The following RNF212 variants were observed in gnomAD, a reference collection of about 807,000 sequenced individuals.
The protein encoded by RNF212 is probable E3 SUMO-protein ligase RNF212.
A neutral mutation model predicts 34.7 loss-of-function variants in RNF212; 33 were observed. That is an observed-to-expected ratio of 0.95 (90% CI 0.72 to 1.27). The LOEUF is 1.27. RNF212 is among the 50% of genes most tolerant of loss of function. The probability of loss-of-function intolerance (pLI) is 0.00; values close to 1 mark genes in which losing one functional copy is unlikely to be tolerated. For synonymous variants in RNF212, 140 were observed against 136.1 expected, an observed-to-expected ratio of 1.03 and a Z score of -0.20; for missense variants, 377 against 362.2, an observed-to-expected ratio of 1.04 and a Z score of -0.33.
At chr4:1,078,479 G>A (rs747260983) in intron 8 of RNF212, among the ~76,000 whole-genome samples, 9 of 152,320 alleles carry the variant, frequency 5.9e-5, no homozygotes, top group Non-Finnish European at 1.0e-4. Context: ...CCTGAGTTCC[G>A]GGCAGGTTTC....
intron 1 of RNF212, among the ~76,000 whole-genome samples, chr4:1,109,415 G>A (rs1725314846): frequency 6.6e-6 from 1 of 152,184 alleles, no homozygotes; most frequent in Non-Finnish European, 1.5e-5. Flanking sequence ...GGCTGACCAG[G>A]CACTATGAGC....
intron 5 of RNF212, among the ~76,000 whole-genome samples, chr4:1,082,287 T>G (rs796809058): frequency 6.6e-6 from 1 of 152,220 alleles, no homozygotes; most frequent in African/African-American, 2.4e-5. Context: ...TGCTGTGCCC[T>G]GTGACTCCCG....
At chr4:1,056,586 A>T (rs1362304008) in intron 4 of RNF212, 3 of 676,476 alleles carry the variant, frequency 4.4e-6, no homozygotes, top group South Asian at 6.6e-5. Context: ...TGTGTATTTT[A>T]AAAAATTCAG....
chr4:1,100,216 G>T, intron 2 of RNF212: 1 of 296,838 alleles, frequency 3.4e-6, no homozygotes, highest in Non-Finnish European at 6.6e-6. Flanking sequence ...TACTTCTAGC[G>T]TTAGGTCTTG....
At position 1,096,782 on chromosome 4, in the gene RNF212, A is replaced by C. The variant is rs763470021; in HGVS notation, c.229T>G (p.Ser77Ala). 8.1e-6 allele frequency: 13 copies of C among 1,613,662 alleles called. No individual in the cohort carries two copies. In the South Asian group the frequency reaches 1.1e-4, roughly 14 times the overall value. ...CAGCTCACCTGGGAGGTTTCCCTGGAGTACTTCTTACACAGACTGTCTATG... is the reference window on the plus strand; with the variant it reads ...CAGCTCACCTGGGAGGTTTCCCTGGCGTACTTCTTACACAGACTGTCTATG... ...MSIDSLCKKY[S>A]RETSQILEFQ... Residue 77 changes from serine to alanine, a missense_variant, in exon 3 of 10, where the codon TCC becomes GCC. Transcript: ENST00000433731.
In RNF212 at chr4:1,072,970, C is replaced by T. The variant is rs571741312; in HGVS notation, c.798G>A (p.Pro266=). Residue 266 remains proline, a synonymous_variant, in exon 10 of 10, where the codon CCG becomes CCA. Coordinates refer to ENST00000433731, the MANE Select transcript of RNF212 (RefSeq NM_001131034.4). ...YAEVQRAVLF[P]FQQAEGTLDT... ...CCAGGGTGCCCTCAGCCTGCTGGAA[C>T]GGAAACAAGACGGCCCTTTGTACCT... 47 of 1,614,146 alleles carry T rather than the reference C, an allele frequency of 2.9e-5. No homozygotes were observed. The highest frequency in any genetic ancestry group is 2.2e-4 in the Admixed American group (13 of 60,018).
intron 4 of RNF212, among the ~76,000 whole-genome samples, chr4:1,089,496 G>C (rs1479742139): frequency 6.6e-6 from 1 of 152,178 alleles, no homozygotes; most frequent in Non-Finnish European, 1.5e-5. Context: ...TGAGATTTTG[G>C]GCTTGGACTT....
exon 4 of RNF212, chr4:1,058,322 T>TGTGGTG: frequency 1.0e-6 from 1 of 983,682 alleles, no homozygotes; most frequent in Non-Finnish European, 1.2e-6. Context: ...GGGCACTACC[T>TGTGGTG]GAGAGGCTTT....
chr4:1,093,444 C>G, intron 3 of RNF212: 3 of 1,436,160 alleles, frequency 2.1e-6, no homozygotes, highest in African/African-American at 1.4e-5. Context: ...TCACGTCACA[C>G]AGCTGCGGGA....
In RNF212 at chr4:1,079,590, G is replaced by A. The variant is rs569407327; in HGVS notation, c.510+53C>T. The A allele has an allele frequency of 7.2e-6, 9 of 1,246,920 alleles. No individual in the cohort carries two copies. In the African/African-American group the frequency reaches 7.4e-5, roughly 10 times the overall value. 77.2% of individuals were successfully genotyped at this position (1,246,920 alleles called of 1,614,324 possible). A position where few individuals can be genotyped will look rare whatever the true frequency, so the allele number is the denominator to read the frequency against. On this transcript the variant is annotated intron_variant, in intron 8 of 9. Coordinates refer to ENST00000433731, the MANE Select transcript of RNF212 (RefSeq NM_001131034.4). ...CGTTTTTCACTACTGAGGAAAATGG[G>A]AAATGCCACACGTCTGGTATACAGA...
intron 3 of RNF212, among the ~76,000 whole-genome samples, chr4:1,059,153 G>A (rs796215488): frequency 1.8e-4 from 28 of 152,342 alleles, no homozygotes; most frequent in African/African-American, 6.3e-4. Flanking sequence ...GCGGCACGTC[G>A]GGGGGTTGCC....
chr4:1,108,949 C>T, intron 1 of RNF212, among the ~76,000 whole-genome samples: 1 of 152,060 alleles, frequency 6.6e-6, no homozygotes, highest in African/African-American at 2.4e-5. Context: ...AATCCTCCCA[C>T]CTCAGCCTCC....
intron 2 of RNF212, among the ~76,000 whole-genome samples, chr4:1,102,846 C>T (rs1296020813): frequency 2.0e-5 from 3 of 150,744 alleles, no homozygotes; most frequent in Non-Finnish European, 3.0e-5. Flanking sequence ...AGCGAGACTC[C>T]GTCTCAAAAA....
At chr4:1,068,504 G>A (rs753499745), downstream of RNF212, among the ~76,000 whole-genome samples, 14 of 152,156 alleles carry the variant, frequency 9.2e-5, 1 homozygote, top group Non-Finnish European at 5.9e-5. Flanking sequence ...CTCTTCCTTT[G>A]TGCTTATTAT....
chr4:1,077,193 A>G (rs1560106356), intron 8 of RNF212, among the ~76,000 whole-genome samples: 1 of 152,182 alleles, frequency 6.6e-6, no homozygotes, highest in Non-Finnish European at 1.5e-5. Flanking sequence ...TCGCCACTGC[A>G]CTCCAGCCTA....
At position 1,096,859 on chromosome 4, in the gene RNF212, C is replaced by T. The variant is rs1577773384; in HGVS notation, c.172-20G>A. ...GTCGGTCTGAAAGAGAAAGAAATGA[C>T]TCTACATTTATTGTGTCTAATAAAC... On this transcript the variant is annotated intron_variant, in intron 2 of 9. Transcript: ENST00000433731. The T allele has an allele frequency of 6.4e-7, 1 of 1,562,566 alleles. No homozygotes were observed. Among genetic ancestry groups the T allele is most frequent in the East Asian group, 2.2e-5 (1 of 44,660 alleles).
intron 3 of RNF212, among the ~76,000 whole-genome samples, chr4:1,065,275 C>T (rs1442742796): frequency 2.6e-5 from 4 of 152,186 alleles, no homozygotes; most frequent in Non-Finnish European, 4.4e-5. Context: ...CCAATTCCTC[C>T]GCGTCCTTAA....
At chr4:1,088,499 A>G (rs983377597) in intron 4 of RNF212, among the ~76,000 whole-genome samples, 1 of 152,256 alleles carries the variant, frequency 6.6e-6, no homozygotes, top group African/African-American at 2.4e-5. Flanking sequence ...GCAGAACATA[A>G]AAGTCTGAAC....
At chr4:1,075,911 A>C (rs1041142861) in intron 8 of RNF212, among the ~76,000 whole-genome samples, 1 of 152,148 alleles carries the variant, frequency 6.6e-6, no homozygotes, top group East Asian at 1.9e-4. Context: ...GATCTGCCTG[A>C]CTCAGCTCCC....
Sources: gnomAD v4.1 joint callset for allele counts (sites outside exome capture counted in the v4.1 genomes callset) on GRCh38, gnomAD v4.1.1 for gene constraint, MANE v1.5 for transcripts, NCBI Gene and HGNC (gene_info 2026-07-23, HGNC 2026-07-21) for gene names.